CD96: variants seen among roughly 807,000 people sequenced by gnomAD.
CD96 encodes CD96 molecule.
A neutral mutation model predicts 71.3 loss-of-function variants in CD96; 70 were observed. That is an observed-to-expected ratio of 0.98 (90% CI 0.81 to 1.20). The LOEUF (loss-of-function observed/expected upper bound fraction) is 1.20, where lower values mean the gene tolerates loss of function less well. Among genes scored for constraint, CD96 ranks in the 50% most tolerant of loss-of-function variants. The pLI, the probability that CD96 is intolerant of heterozygous loss-of-function variation, is 0.00. For synonymous variants in CD96, 248 were observed against 233.0 expected (o/e 1.06, Z -0.59); for missense variants, 742 against 677.5 (o/e 1.10, Z -1.06).
chr3:111,550,449 A>T (rs751726575), intron 2 of CD96, among the ~76,000 whole-genome samples: 1 of 152,106 alleles, frequency 6.6e-6, no homozygotes, highest in Non-Finnish European at 1.5e-5. Context: ...GAAACACTTG[A>T]CTGTGCTTCA....
intron 9 of CD96, 43 bp from the exon 10 acceptor site, chr3:111,624,289 GC>G (rs750447752): frequency 9.1e-6 from 12 of 1,314,828 alleles, no homozygotes; most frequent in African/African-American, 1.5e-5. Context: ...TTAAATTACA[GC>G]TTTCGAAAAA....
chr3:111,556,283 C>T lies in CD96; in HGVS notation c.418+10881C>T, dbSNP rs535075393. Among the ~76,000 whole-genome samples the T allele has an allele frequency of 4.4e-5, 5 of 113,398 alleles. No homozygotes were observed. In the Admixed American group the frequency reaches 4.5e-4, roughly 10 times the overall value. 74.4% of individuals were successfully genotyped at this position (113,398 alleles called of 152,430 possible). ...GTTAGTTACATATGTATACATGTGCCGTGCTGGTGCGCCGCACCCACTAAC... is the reference window on the plus strand; with the variant it reads ...GTTAGTTACATATGTATACATGTGCTGTGCTGGTGCGCCGCACCCACTAAC... On this transcript the variant is annotated intron_variant, in intron 2 of 13. Coordinates refer to ENST00000352690, the MANE Select transcript of CD96 (RefSeq NM_005816.5).
chr3:111,637,141 G>T (rs946235238), intron 10 of CD96, 55 bp from the exon 11 acceptor site: 1 of 888,126 alleles, frequency 1.1e-6, no homozygotes, highest in African/African-American at 1.6e-5. Context: ...TAGCAGTCAA[G>T]AAGTGGTAAT....
At chr3:111,546,853 T>A (rs1319350243) in intron 2 of CD96, among the ~76,000 whole-genome samples, 1 of 151,114 alleles carries the variant, frequency 6.6e-6, no homozygotes, top group Non-Finnish European at 1.5e-5. Context: ...TACTATCTTA[T>A]AATGCCCAAT....
At chr3:111,598,991 C>T (rs1034806796) in intron 6 of CD96, among the ~76,000 whole-genome samples, 2 of 148,126 alleles carry the variant, frequency 1.4e-5, no homozygotes, top group Non-Finnish European at 2.9e-5. Flanking sequence ...TATTTTGAGA[C>T]GGAGTCTGGC....
chr3:111,646,109 C>A (rs1939814561), intron 12 of CD96, among the ~76,000 whole-genome samples: 1 of 152,096 alleles, frequency 6.6e-6, no homozygotes, highest in Non-Finnish European at 1.5e-5. Flanking sequence ...ATCCAGATAG[C>A]TTTTTGCCCA....
intron 1 of CD96, 122 bp from the exon 2 acceptor site, chr3:111,544,924 A>G: frequency 1.2e-6 from 1 of 810,254 alleles, no homozygotes; most frequent in Non-Finnish European, 2.2e-6. Flanking sequence ...TCTATTCCTA[A>G]AGCAGCCAGG....
chr3:111,577,432 G>A (rs1424617521), intron 3 of CD96: 2 of 1,059,936 alleles, frequency 1.9e-6, no homozygotes, highest in African/African-American at 1.6e-5. Context: ...CCAATACTTA[G>A]AGCTCCTCTG....
intron 8 of CD96, among the ~76,000 whole-genome samples, chr3:111,617,373 A>T (rs1446137818): frequency 1.3e-5 from 2 of 152,192 alleles, no homozygotes; most frequent in African/African-American, 2.4e-5. Context: ...CACTGGGCCA[A>T]TTGGATAGTG....
At chr3:111,549,767 T>C (rs1176134613) in intron 2 of CD96, among the ~76,000 whole-genome samples, 1 of 152,180 alleles carries the variant, frequency 6.6e-6, no homozygotes, top group Non-Finnish European at 1.5e-5. Flanking sequence ...AGGGGAACAT[T>C]GTATTAGGGA....
In CD96 at chr3:111,650,867, C is replaced by T. The variant is rs761102137; in HGVS notation, c.*1061C>T. The T allele has an allele frequency of 1.1e-4, 17 of 152,192 alleles. No individual in the cohort carries two copies. Among genetic ancestry groups the T allele is most frequent in the Non-Finnish European group, 1.8e-4 (12 of 68,048 alleles). The allele number at this position is 152,192 out of a possible 1,614,324, so 9.4% of individuals were successfully genotyped here. A position where few individuals can be genotyped will look rare whatever the true frequency, so the allele number is the denominator to read the frequency against. ...TGAATAAATTACTAATCCTCCTTGT[C>T]GCTTGAAACCTTCCCACACTCCCTG... On this transcript the variant is annotated 3_prime_UTR_variant, in exon 14 of 14. Coordinates refer to ENST00000352690, the MANE Select transcript of CD96 (RefSeq NM_005816.5).
In CD96 at chr3:111,598,424, A is replaced by G. The variant is rs181221768; in HGVS notation, c.898+214A>G. ...ACATTTTCCAGAATAAAAGAAATAC[A>G]ATTGATTTAGACAAACAACATCCAA... On this transcript the variant is annotated intron_variant, in intron 6 of 13. Transcript: ENST00000352690. 7.2e-5 allele frequency among the ~76,000 whole-genome samples: 11 copies of G among 152,342 alleles called. No individual in the cohort carries two copies. In the East Asian group the frequency reaches 2.1e-3, roughly 29 times the overall value.
intron 4 of CD96, among the ~76,000 whole-genome samples, chr3:111,584,654 T>A (rs903287428): frequency 6.6e-6 from 1 of 152,174 alleles, no homozygotes; most frequent in Non-Finnish European, 1.5e-5. Flanking sequence ...CGGGAATCCC[T>A]GATAGACCCA....
chr3:111,555,201 T>C (rs1185003961), intron 2 of CD96, among the ~76,000 whole-genome samples: 1 of 135,542 alleles, frequency 7.4e-6, no homozygotes, highest in Non-Finnish European at 1.6e-5. Context: ...AATTTCATGT[T>C]CTTTAACAAA....
chr3:111,664,842 G>T (rs775380477), intron 14 of CD96, among the ~76,000 whole-genome samples: 4 of 152,156 alleles, frequency 2.6e-5, no homozygotes, highest in Non-Finnish European at 4.4e-5. Flanking sequence ...GAAATGGTAT[G>T]AAAGACATTT....
intron 12 of CD96, among the ~76,000 whole-genome samples, chr3:111,643,061 C>A (rs1939665524): frequency 3.0e-5 from 4 of 131,244 alleles, no homozygotes; most frequent in African/African-American, 5.6e-5. Context: ...ACATAGATGC[C>A]AAAATCCTTA....
rs759410727 is a variant in CD96 at position 111,647,590 on chromosome 3, G to T, written c.1525G>T (p.Val509Leu). The T allele has an allele frequency of 6.2e-7, 1 of 1,610,950 alleles. No individual in the cohort carries two copies. The highest frequency in any genetic ancestry group is 8.5e-7 in the Non-Finnish European group (1 of 1,177,154). Residue 509 changes from valine (V) to leucine (L), a missense_variant, in exon 13 of 14, where the codon GTA becomes TTA. Transcript: ENST00000352690. ...AGATGGAATGTCCTGGCCAGTGATT[G>T]TAGCAGCTTTACTCTTTTGCTGCAT... ...PKDGMSWPVI[V>L]AALLFCCMIL... is the part of the protein sequence containing the mutation.
At chr3:111,640,234 A>G (rs1939529077) in intron 12 of CD96, among the ~76,000 whole-genome samples, 1 of 152,220 alleles carries the variant, frequency 6.6e-6, no homozygotes, top group Admixed American at 6.5e-5. Context: ...ATCCAAAAAA[A>G]ATGACACAAG....
At chr3:111,561,301 C>T (rs1480714990) in intron 2 of CD96, among the ~76,000 whole-genome samples, 1 of 149,996 alleles carries the variant, frequency 6.7e-6, no homozygotes, top group Non-Finnish European at 1.5e-5. Flanking sequence ...TTTAGAGTTT[C>T]CAGTTTTTCT....
Sources: allele counts gnomAD v4.1 joint callset (sites outside exome capture counted in the v4.1 genomes callset), GRCh38; gene constraint gnomAD v4.1.1; transcripts MANE v1.5; gene names NCBI Gene and HGNC (gene_info 2026-07-23, HGNC 2026-07-21).